The following KANSL1 variants were observed in gnomAD, a reference collection of about 807,000 sequenced individuals.
KANSL1 encodes KAT8 regulatory NSL complex subunit 1, also known as MLL1/MLL complex subunit KANSL1.
A neutral mutation model predicts 103.6 loss-of-function variants in KANSL1; 22 were observed. The observed-to-expected ratio is 0.21, with a 90% CI of 0.15 to 0.30. The LOEUF (loss-of-function observed/expected upper bound fraction) is 0.30. Ranked by LOEUF, KANSL1 falls within the 10% of genes least tolerant of loss-of-function variation. The probability of loss-of-function intolerance (pLI) is 1.00; values close to 1 mark genes in which losing one functional copy is unlikely to be tolerated. For missense variants in KANSL1, 1,337 were observed against 1,399.8 expected, an observed-to-expected ratio of 0.96 and a Z score of 0.72; for synonymous variants, 600 against 527.6, an observed-to-expected ratio of 1.14 and a Z score of -1.88.
At chr17:46,059,659 G>GAGAGAGAGAC (rs1301646111) in intron 6 of KANSL1, among the ~76,000 whole-genome samples, 1 of 145,538 alleles carries the variant, frequency 6.9e-6, no homozygotes, top group Non-Finnish European at 1.5e-5. Context: ...GAGAGAGAGA[G>GAGAGAGAGAC]AGAGAGAAAA....
At chr17:46,067,706 C>G (rs1222052382) in intron 4 of KANSL1, 39 bp from the exon 5 acceptor site, 1 of 1,029,104 alleles carries the variant, frequency 9.7e-7, no homozygotes, top group Non-Finnish European at 1.5e-6. Context: ...AACATGTACC[C>G]AAGCGCACCC....
intron 2 of KANSL1, among the ~76,000 whole-genome samples, chr17:46,156,295 C>T (rs1337340834): frequency 6.6e-6 from 1 of 152,070 alleles, no homozygotes; most frequent in African/African-American, 2.4e-5. Context: ...TGCAGTGAGC[C>T]GAGATGGCAC....
intron 2 of KANSL1, among the ~76,000 whole-genome samples, chr17:46,103,674 T>C (rs1257521271): frequency 6.6e-6 from 1 of 152,212 alleles, no homozygotes; most frequent in Non-Finnish European, 1.5e-5. Context: ...ATTTCCTCCA[T>C]TGTGGATTTT....
chr17:46,172,394 T>G (rs899685507), intron 1 of KANSL1, among the ~76,000 whole-genome samples, 162 bp from the exon 2 acceptor site: 2 of 152,136 alleles, frequency 1.3e-5, no homozygotes, highest in Non-Finnish European at 2.9e-5. Flanking sequence ...CCAAATATCT[T>G]TCATCTGGGA....
intron 1 of KANSL1, among the ~76,000 whole-genome samples, chr17:46,176,029 C>T (rs1385610962): frequency 6.6e-6 from 1 of 152,192 alleles, no homozygotes; most frequent in Admixed American, 6.5e-5. Context: ...CCCATCAATT[C>T]AATCTCCTCC....
At chr17:46,156,973 T>TA (rs1567743181) in intron 2 of KANSL1, 1 of 152,250 alleles carries the variant, frequency 6.6e-6, no homozygotes, top group Non-Finnish European at 1.5e-5. Flanking sequence ...TCTTCTTAAG[T>TA]GTTTTCATCA....
At chr17:46,219,059 A>C (rs1003966746) in intron 1 of KANSL1, among the ~76,000 whole-genome samples, 4 of 151,664 alleles carry the variant, frequency 2.6e-5, no homozygotes, top group Non-Finnish European at 5.9e-5. Flanking sequence ...TCAGGAGTTT[A>C]AGACCAGCCT....
chr17:46,205,213 C>T (rs949950220), intron 1 of KANSL1, among the ~76,000 whole-genome samples: 7 of 152,230 alleles, frequency 4.6e-5, no homozygotes, highest in Middle Eastern at 3.4e-3. Flanking sequence ...TATAGAAAAT[C>T]CTAAGAAAAT....
In KANSL1 at chr17:46,171,541, C is replaced by G; in HGVS notation, c.603G>C (p.Leu201Phe). 1 of 1,612,352 alleles carries G rather than the reference C, an allele frequency of 6.2e-7. No individual in the cohort carries two copies. The highest frequency in any genetic ancestry group is 8.5e-7 in the Non-Finnish European group (1 of 1,179,192). ...GEMGGSESGDLKGGMTNCTLP... is the reference protein window; with the variant it reads ...GEMGGSESGDFKGGMTNCTLP... The stretch of plus-strand genomic sequence containing the variant: ...GAGTGCAATTGGTCATACCCCCCTT[C>G]AAGTCCCCAGATTCAGATCCTCCCA... Residue 201 changes from leucine (L) to phenylalanine (F), a missense_variant, in exon 2 of 15, where the codon TTG becomes TTC. By Grantham distance (22) the Leu-to-Phe change is conservative. Around this residue, in one of 2 missense-constraint regions of KANSL1, gnomAD observed 557 missense variants for 476.4 expected, o/e 1.17. Coordinates refer to ENST00000432791, the MANE Select transcript of KANSL1 (RefSeq NM_015443.4).
chr17:46,123,097 C>CG (rs746887814), intron 2 of KANSL1, among the ~76,000 whole-genome samples: 2 of 152,176 alleles, frequency 1.3e-5, no homozygotes, highest in Non-Finnish European at 2.9e-5. Context: ...TTTTTAGAGA[C>CG]GGGGCGCAGT....
intron 2 of KANSL1, among the ~76,000 whole-genome samples, chr17:46,151,911 G>A (rs1176884406): frequency 6.6e-6 from 1 of 152,200 alleles, no homozygotes; most frequent in East Asian, 1.9e-4. Flanking sequence ...AGTGATTTAT[G>A]ACTCTGGCTA....
chr17:46,150,943 A>T (rs74852226), intron 2 of KANSL1, among the ~76,000 whole-genome samples: 6 of 151,326 alleles, frequency 4.0e-5, no homozygotes, highest in African/African-American at 1.5e-4. Context: ...AAAAAAAAAA[A>T]AACACGAGTA....
At chr17:46,141,591 A>G (rs933471024) in intron 2 of KANSL1, among the ~76,000 whole-genome samples, 1 of 152,260 alleles carries the variant, frequency 6.6e-6, no homozygotes. Context: ...AAAGACAATC[A>G]GAGAGTGTAT....
intron 1 of KANSL1, among the ~76,000 whole-genome samples, chr17:46,216,739 C>T (rs2532414): frequency 0.12 from 18,774 of 150,248 alleles, 21 homozygotes; most frequent in Middle Eastern, 0.19. Context: ...GTGTAGGTGT[C>T]GAGGGTCTAG....
At chr17:46,062,261 T>C (rs1309268915) in intron 6 of KANSL1, among the ~76,000 whole-genome samples, 1 of 151,630 alleles carries the variant, frequency 6.6e-6, no homozygotes, top group African/African-American at 2.4e-5. Flanking sequence ...TATTTACTGA[T>C]AGATCTCATT....
At chr17:46,178,727 T>C (rs1265198447) in intron 1 of KANSL1, among the ~76,000 whole-genome samples, 2 of 152,254 alleles carry the variant, frequency 1.3e-5, no homozygotes, top group Non-Finnish European at 1.5e-5. Context: ...ACTTCCCAGA[T>C]GGAGACTCAC....
chr17:46,119,576 G>T (rs893536068), intron 2 of KANSL1, among the ~76,000 whole-genome samples: 4 of 152,118 alleles, frequency 2.6e-5, no homozygotes, highest in African/African-American at 9.7e-5. Context: ...CAAAGCGCTG[G>T]GGATACAGGC....
At chr17:46,190,873 G>A (rs918345009) in intron 1 of KANSL1, among the ~76,000 whole-genome samples, 1 of 152,134 alleles carries the variant, frequency 6.6e-6, no homozygotes, top group Admixed American at 6.5e-5. Flanking sequence ...ATTCCCAAGG[G>A]ATGAGCATTT....
chr17:46,074,762 TCTAA>T (rs1020034151), intron 4 of KANSL1, among the ~76,000 whole-genome samples: 2 of 129,136 alleles, frequency 1.5e-5, no homozygotes, highest in African/African-American at 6.1e-5. Flanking sequence ...AGACCCTATC[TCTAA>T]ATAAATAAAT....
Sources: allele counts gnomAD v4.1 joint callset (sites outside exome capture counted in the v4.1 genomes callset), GRCh38; gene constraint gnomAD v4.1.1; regional missense constraint gnomAD v4.1.1; transcripts MANE v1.5; gene names NCBI Gene and HGNC (gene_info 2026-07-23, HGNC 2026-07-21).